UHRF2: variants seen among roughly 807,000 people sequenced by gnomAD.
The protein encoded by UHRF2 is ubiquitin like with PHD and ring finger domains 2.
A neutral mutation model predicts 96.8 loss-of-function variants in UHRF2; 23 were observed. That is an observed-to-expected ratio of 0.24 (90% CI 0.17 to 0.34). The LOEUF is 0.34. Ranked by LOEUF, UHRF2 falls within the 10% of genes least tolerant of loss-of-function variation. UHRF2 has a pLI of 1.00. For synonymous variants in UHRF2, 385 were observed against 332.6 expected (o/e 1.16, Z -1.72); for missense variants, 685 against 981.5 (o/e 0.70, Z 4.04).
At chr9:6,434,344 C>G in intron 3 of UHRF2, 171 bp downstream of exon 3, 1 of 689,078 alleles carries the variant, frequency 1.5e-6, no homozygotes, top group Non-Finnish European at 2.3e-6. Flanking sequence ...GTCCTTTTAG[C>G]TCTCGATTAT....
intron 3 of UHRF2, among the ~76,000 whole-genome samples, chr9:6,458,956 C>CT (rs1309216694): frequency 6.6e-6 from 1 of 152,142 alleles, no homozygotes; most frequent in Non-Finnish European, 1.5e-5. Flanking sequence ...TCTCAGCAAA[C>CT]TAACACAGGA....
At chr9:6,427,819 A>G (rs1587773196) in intron 2 of UHRF2, among the ~76,000 whole-genome samples, 1 of 152,350 alleles carries the variant, frequency 6.6e-6, no homozygotes, top group Middle Eastern at 3.4e-3. Context: ...CCACTACTAC[A>G]TATGGAGAGC....
intron 3 of UHRF2, among the ~76,000 whole-genome samples, chr9:6,452,963 GT>G (rs1394435267): frequency 2.0e-5 from 3 of 152,126 alleles, no homozygotes; most frequent in Non-Finnish European, 4.4e-5. Flanking sequence ...TTTAAGAGTA[GT>G]TTTATGTTCC....
At chr9:6,485,441 T>C (rs1406058728) in intron 8 of UHRF2, among the ~76,000 whole-genome samples, 1 of 151,992 alleles carries the variant, frequency 6.6e-6, no homozygotes, top group African/African-American at 2.4e-5. Context: ...ATTTGCTATT[T>C]AGAAAGTGGG....
At chr9:6,479,115 C>T (rs1472290384) in intron 6 of UHRF2, among the ~76,000 whole-genome samples, 1 of 152,132 alleles carries the variant, frequency 6.6e-6, no homozygotes, top group Non-Finnish European at 1.5e-5. Context: ...CACAAACCTT[C>T]CTTGATCCCA....
intron 1 of UHRF2, among the ~76,000 whole-genome samples, chr9:6,417,771 A>C (rs946752186): frequency 6.6e-6 from 1 of 152,198 alleles, no homozygotes; most frequent in Non-Finnish European, 1.5e-5. Flanking sequence ...ATGCTTAGAC[A>C]TGGTGCTCTT....
chr9:6,494,516 A>G (rs768747782), intron 10 of UHRF2: 3 of 152,126 alleles, frequency 2.0e-5, no homozygotes, highest in South Asian at 2.1e-4. Flanking sequence ...TCTTTATTCT[A>G]TAGAAATACT....
chr9:6,426,345 G>A (rs1034885933), intron 2 of UHRF2, among the ~76,000 whole-genome samples: 9 of 152,186 alleles, frequency 5.9e-5, no homozygotes, highest in African/African-American at 2.2e-4. Flanking sequence ...TTTCAGTTCA[G>A]CTGCTGCTTG....
chr9:6,450,280 C>G (rs1371696966), intron 3 of UHRF2, among the ~76,000 whole-genome samples: 2 of 149,952 alleles, frequency 1.3e-5, no homozygotes, highest in African/African-American at 4.9e-5. Context: ...GTTGGTAAGT[C>G]TCTATCTACA....
At chr9:6,493,401 G>T (rs1824784953) in intron 9 of UHRF2, among the ~76,000 whole-genome samples, 1 of 152,188 alleles carries the variant, frequency 6.6e-6, no homozygotes, top group Admixed American at 6.5e-5. Context: ...CTTAGGTATG[G>T]TGTAGATGTC....
chr9:6,499,997 G>A, intron 13 of UHRF2, 66 bp downstream of exon 13: 2 of 1,258,328 alleles, frequency 1.6e-6, no homozygotes, highest in South Asian at 1.3e-5. Context: ...GTTGAGACGG[G>A]GTCTCACTCT....
At chr9:6,455,287 C>A (rs552631711) in intron 3 of UHRF2, among the ~76,000 whole-genome samples, 7 of 152,256 alleles carry the variant, frequency 4.6e-5, no homozygotes, top group Middle Eastern at 3.4e-3. Context: ...ATCCCTCCCC[C>A]CTCTCTCCAC....
intron 5 of UHRF2, among the ~76,000 whole-genome samples, chr9:6,477,035 C>A (rs1407216842): frequency 1.3e-5 from 2 of 152,058 alleles, no homozygotes; most frequent in Non-Finnish European, 2.9e-5. Flanking sequence ...GAGTTTGAGA[C>A]CAGTCTGGCC....
At chr9:6,448,337 A>C (rs993885693) in intron 3 of UHRF2, among the ~76,000 whole-genome samples, 2 of 152,254 alleles carry the variant, frequency 1.3e-5, no homozygotes, top group African/African-American at 4.8e-5. Flanking sequence ...TTCATTACTT[A>C]TCTGTGAATA....
At position 6,486,835 on chromosome 9, in the gene UHRF2, T is replaced by G; in HGVS notation, c.1407T>G (p.Gly469=). ...WRFRVQVSEA[G]VHRPHVGGIH... is the part of the protein sequence containing the mutation. Reference sequence around the variant, plus strand: ...TTGTTTTATAGGTGAGCGAAGCAGGTGTTCACAGACCCCATGTTGGTGGAA... The same window carrying G: ...TTGTTTTATAGGTGAGCGAAGCAGGGGTTCACAGACCCCATGTTGGTGGAA... Residue 469 remains glycine (G), a synonymous_variant, in exon 9 of 16, where the codon GGT becomes GGG. Coordinates refer to ENST00000276893, the MANE Select transcript of UHRF2 (RefSeq NM_152896.3). The G allele has an allele frequency of 6.2e-7, 1 of 1,614,116 alleles. No individual in the cohort carries two copies. The highest frequency in any genetic ancestry group is 8.5e-7 in the Non-Finnish European group (1 of 1,179,986).
chr9:6,437,398 A>G (rs968205032), intron 3 of UHRF2, among the ~76,000 whole-genome samples: 2 of 151,998 alleles, frequency 1.3e-5, no homozygotes, highest in African/African-American at 4.8e-5. Flanking sequence ...ACGCCTGGCT[A>G]ACTTTTGTAT....
Position 6,421,066 on chromosome 9 carries a change from C to T in UHRF2, c.308C>T (p.Pro103Leu), listed in dbSNP as rs201035695. Reference protein sequence around the residue: ...SNSPPKVKKAPRVGPSNQPST... With the variant: ...SNSPPKVKKALRVGPSNQPST... Reference sequence around the variant, plus strand: ...AGTCCACCTAAAGTAAAGAAAGCTCCGAGGGTAGGACCTTCCAATCAGCCA... The same window carrying T: ...AGTCCACCTAAAGTAAAGAAAGCTCTGAGGGTAGGACCTTCCAATCAGCCA... Residue 103 changes from proline to leucine, a missense_variant, in exon 2 of 16, where the codon CCG becomes CTG. By Grantham distance (98) the Pro-to-Leu change is moderately conservative. Around this residue, in one of 6 missense-constraint regions of UHRF2, gnomAD observed 391 missense variants for 437.0 expected, o/e 0.89. Transcript: ENST00000276893. The T allele has an allele frequency of 5.9e-5, 95 of 1,613,976 alleles. No individual in the cohort carries two copies. Among genetic ancestry groups the T allele is most frequent in the Middle Eastern group, 1.6e-4 (1 of 6,084 alleles).
intron 8 of UHRF2, among the ~76,000 whole-genome samples, chr9:6,483,635 A>G (rs1480005519): frequency 2.0e-5 from 3 of 152,192 alleles, no homozygotes; most frequent in Non-Finnish European, 4.4e-5. Context: ...AGCTATGTAT[A>G]TATTAAATAC....
At chr9:6,490,889 A>G (rs887242564) in intron 9 of UHRF2, among the ~76,000 whole-genome samples, 1 of 152,176 alleles carries the variant, frequency 6.6e-6, no homozygotes, top group Non-Finnish European at 1.5e-5. Context: ...TGATCTTTCT[A>G]TTGTAGGCAA....
Sources: allele counts gnomAD v4.1 joint callset (sites outside exome capture counted in the v4.1 genomes callset), GRCh38; gene constraint gnomAD v4.1.1; regional missense constraint gnomAD v4.1.1; transcripts MANE v1.5; gene names NCBI Gene and HGNC (gene_info 2026-07-23, HGNC 2026-07-21).